Variants in IQCM observed in about 807,000 individuals in gnomAD.
The protein encoded by IQCM is IQ domain-containing protein M.
IQCM carries 45 observed loss-of-function variants against 57.6 expected under a neutral mutation model. The observed-to-expected ratio is 0.78, with a 90% CI of 0.62 to 1.00. The LOEUF (loss-of-function observed/expected upper bound fraction) is 1.00. IQCM is among the 50% of genes least tolerant of loss of function. The pLI is 0.00. For synonymous variants in IQCM, 148 were observed against 158.9 expected (o/e 0.93, Z 0.51); for missense variants, 468 against 511.6 (o/e 0.91, Z 0.82).
chr4:149,590,781 T>G (rs1399369987), intron 8 of IQCM, among the ~76,000 whole-genome samples: 1 of 152,134 alleles, frequency 6.6e-6, no homozygotes, highest in Non-Finnish European at 1.5e-5. Flanking sequence ...GAACATGAGC[T>G]CATCCTTTTT....
chr4:149,356,882 G>A (rs1296793099), intron 13 of IQCM, among the ~76,000 whole-genome samples: 1 of 152,260 alleles, frequency 6.6e-6, no homozygotes, highest in South Asian at 2.1e-4. Context: ...CATGAGCATG[G>A]AATGTTCTTC....
In IQCM at chr4:149,733,361, G is replaced by A. The variant is rs772344324; in HGVS notation, c.268C>T (p.Pro90Ser). 24 of 1,231,652 alleles carry A rather than the reference G, an allele frequency of 1.9e-5. No individual in the cohort carries two copies. In the East Asian group the frequency reaches 6.9e-4, roughly 36 times the overall value. 76.3% of individuals were successfully genotyped at this position (1,231,652 alleles called of 1,614,324 possible). The change falls in exon 5 of 14, where the codon CCC (proline) becomes TCC (serine). Residue 90 changes from proline (P) to serine (S), a missense_variant. By Grantham distance (74) the Pro-to-Ser change is moderately conservative. Coordinates refer to ENST00000636793, the MANE Select transcript of IQCM (RefSeq NM_001363507.2). ...TGCTCGCTTTTGGAAAGCTCCTTGG[G>A]AAAGCAAATCCTTCTGAGTGCGGCC... The part of the protein sequence containing the change: ...HRAALRRICF[P>S]KELSKSEHLQ...
intron 8 of IQCM, among the ~76,000 whole-genome samples, chr4:149,598,817 C>G (rs1438044128): frequency 6.6e-6 from 1 of 152,086 alleles, no homozygotes; most frequent in Non-Finnish European, 1.5e-5. Context: ...TTTGCTATTG[C>G]CTGGAAAAGT....
intron 5 of IQCM, among the ~76,000 whole-genome samples, chr4:149,714,858 G>A (rs1460066502): frequency 6.6e-6 from 1 of 152,204 alleles, no homozygotes; most frequent in Non-Finnish European, 1.5e-5. Context: ...CATATATAGT[G>A]TGGATATGCT....
intron 12 of IQCM, among the ~76,000 whole-genome samples, chr4:149,486,054 TC>T (rs1741467078): frequency 6.6e-6 from 1 of 151,444 alleles, no homozygotes; most frequent in Non-Finnish European, 1.5e-5. Context: ...TCTCTCTCTC[TC>T]TCTCTCTCTT....
At chr4:149,464,616 G>A (rs879144246) in intron 12 of IQCM, among the ~76,000 whole-genome samples, 8 of 151,978 alleles carry the variant, frequency 5.3e-5, no homozygotes, top group Admixed American at 2.0e-4. Flanking sequence ...TGTTTTTGAC[G>A]GGACCTTTTG....
At chr4:149,440,896 CTAA>C (rs1268849609) in intron 12 of IQCM, among the ~76,000 whole-genome samples, 17 of 152,110 alleles carry the variant, frequency 1.1e-4, no homozygotes, top group African/African-American at 4.1e-4. Flanking sequence ...ATTGATTATA[CTAA>C]TGTTAAGATT....
In IQCM at chr4:149,372,981, A is replaced by C. The variant is rs368498029; in HGVS notation, c.1391-20915T>G. ...ATGGTTTATCACGAAATCTGTGTCT[A>C]TAAGACAGAATAAACAGAATAGGTA... On this transcript the variant is annotated intron_variant, in intron 13 of 13. Coordinates refer to ENST00000636793, the MANE Select transcript of IQCM (RefSeq NM_001363507.2). 5.9e-5 allele frequency among the ~76,000 whole-genome samples: 9 copies of C among 152,192 alleles called. No homozygotes were observed. The South Asian group carries it at 6.2e-4, about 10-fold the overall frequency.
chr4:149,701,270 T>C (rs1451887958), intron 5 of IQCM, among the ~76,000 whole-genome samples: 1 of 151,956 alleles, frequency 6.6e-6, no homozygotes, highest in Non-Finnish European at 1.5e-5. Flanking sequence ...AAAATAATTT[T>C]TTCATGTGTT....
intron 13 of IQCM, among the ~76,000 whole-genome samples, chr4:149,402,690 A>G (rs2111136344): frequency 6.6e-6 from 1 of 151,982 alleles, no homozygotes; most frequent in East Asian, 1.9e-4. Context: ...ATGCTTTACT[A>G]AACAAATGGA....
At chr4:149,779,582 CA>C (rs1180775753) in intron 2 of IQCM, among the ~76,000 whole-genome samples, 2 of 151,940 alleles carry the variant, frequency 1.3e-5, no homozygotes, top group Non-Finnish European at 2.9e-5. Context: ...AAACCTTATA[CA>C]AAAAATTCAA....
At chr4:149,474,584 G>A (rs1202181917) in intron 12 of IQCM, among the ~76,000 whole-genome samples, 3 of 149,720 alleles carry the variant, frequency 2.0e-5, no homozygotes, top group Non-Finnish European at 4.4e-5. Flanking sequence ...AGGTGTGGTA[G>A]CATGTGCCTG....
chr4:149,551,719 TA>T (rs35561546), intron 11 of IQCM, among the ~76,000 whole-genome samples: 115,167 of 151,916 alleles, frequency 0.76, 44,140 homozygotes, highest in South Asian at 0.91. Context: ...CTACTATTCA[TA>T]AAAAAAATAC....
intron 5 of IQCM, among the ~76,000 whole-genome samples, chr4:149,707,043 C>T (rs1241074364): frequency 2.0e-5 from 3 of 151,954 alleles, no homozygotes; most frequent in Non-Finnish European, 2.9e-5. Flanking sequence ...AATCAAAAGA[C>T]AGCAAAGATG....
intron 9 of IQCM, among the ~76,000 whole-genome samples, chr4:149,585,706 A>T (rs1752589952): frequency 6.6e-6 from 1 of 151,700 alleles, no homozygotes; most frequent in Admixed American, 6.6e-5. Context: ...GCCTATTAAA[A>T]TTTAAGATAC....
At chr4:149,790,100 A>G in intron 2 of IQCM, 1 of 675,234 alleles carries the variant, frequency 1.5e-6, no homozygotes, top group Non-Finnish European at 2.3e-6. Flanking sequence ...CTCACCATTA[A>G]AAAAAGAACA....
At chr4:149,609,835 A>T (rs568101253) in intron 8 of IQCM, among the ~76,000 whole-genome samples, 1 of 152,090 alleles carries the variant, frequency 6.6e-6, no homozygotes, top group Admixed American at 6.6e-5. Context: ...TAAGACAAGG[A>T]TGTCCACTTT....
At chr4:149,439,659 A>C (rs867240157) in intron 12 of IQCM, among the ~76,000 whole-genome samples, 1 of 152,044 alleles carries the variant, frequency 6.6e-6, no homozygotes, top group Non-Finnish European at 1.5e-5. Flanking sequence ...CTCTATTTTA[A>C]AAATATAAAT....
At chr4:149,365,512 G>A (rs1729770302) in intron 13 of IQCM, among the ~76,000 whole-genome samples, 1 of 152,132 alleles carries the variant, frequency 6.6e-6, no homozygotes, top group Non-Finnish European at 1.5e-5. Context: ...TCCTTTGAGT[G>A]TGAGCTAGAC....
Sources: gnomAD v4.1 joint callset for allele counts (sites outside exome capture counted in the v4.1 genomes callset) on GRCh38, gnomAD v4.1.1 for gene constraint, MANE v1.5 for transcripts, NCBI Gene and HGNC (gene_info 2026-07-23, HGNC 2026-07-21) for gene names.